RBFOX1: variants seen among roughly 807,000 people sequenced by gnomAD.
The protein encoded by RBFOX1 is RNA binding fox-1 homolog 1, also known as RNA binding protein fox-1 homolog 1.
A neutral mutation model predicts 57.7 loss-of-function variants in RBFOX1; 8 were observed. That is an observed-to-expected ratio of 0.14 (90% CI 0.08 to 0.25). The LOEUF is 0.25. Ranked by LOEUF, RBFOX1 falls within the 10% of genes least tolerant of loss-of-function variation. The pLI is 1.00. For synonymous variants in RBFOX1, 326 were observed against 222.4 expected (o/e 1.47, Z -4.15); for missense variants, 611 against 548.5 (o/e 1.11, Z -1.14).
At chr16:6,406,918 G>A (rs545689510) in intron 2 of RBFOX1, among the ~76,000 whole-genome samples, 3 of 152,122 alleles carry the variant, frequency 2.0e-5, no homozygotes, top group South Asian at 2.1e-4. Flanking sequence ...GTGTGACTAC[G>A]GAAAAAACAA....
chr16:7,394,808 C>T (rs1345908843), intron 4 of RBFOX1, among the ~76,000 whole-genome samples: 1 of 152,204 alleles, frequency 6.6e-6, no homozygotes, highest in East Asian at 1.9e-4. Context: ...ATCGCTGCTG[C>T]AGACTCATCC....
chr16:7,504,228 C>G (rs921334542), intron 4 of RBFOX1, among the ~76,000 whole-genome samples: 2 of 151,992 alleles, frequency 1.3e-5, no homozygotes, highest in Non-Finnish European at 2.9e-5. Flanking sequence ...CCCGTATCAT[C>G]GGGCTGTGGG....
intron 1 of RBFOX1, among the ~76,000 whole-genome samples, chr16:6,142,436 T>C (rs1243054160): frequency 6.6e-6 from 1 of 151,946 alleles, no homozygotes; most frequent in Admixed American, 6.6e-5. Flanking sequence ...TTAGCCAGGA[T>C]GGTCTCGATC....
intron 7 of RBFOX1, among the ~76,000 whole-genome samples, chr16:7,588,395 G>C (rs2094245192): frequency 6.6e-6 from 1 of 152,148 alleles, no homozygotes; most frequent in Admixed American, 6.5e-5. Flanking sequence ...CTGTGTTTTA[G>C]CTCCACTGAG....
chr16:6,904,015 C>G (rs1044655557), intron 3 of RBFOX1, among the ~76,000 whole-genome samples: 2 of 152,084 alleles, frequency 1.3e-5, no homozygotes, highest in African/African-American at 4.8e-5. Flanking sequence ...AAAACACAGC[C>G]TACAAATGCC....
chr16:7,698,021 C>A (rs757698577), intron 14 of RBFOX1, among the ~76,000 whole-genome samples: 1 of 151,992 alleles, frequency 6.6e-6, no homozygotes, highest in Non-Finnish European at 1.5e-5. Flanking sequence ...AAGCATGTTG[C>A]GTATTAGGGA....
chr16:6,810,838 G>A (rs1002194249), intron 3 of RBFOX1, among the ~76,000 whole-genome samples: 5 of 152,086 alleles, frequency 3.3e-5, no homozygotes, highest in African/African-American at 1.2e-4. Context: ...GCCGGGAAAG[G>A]TCGCCATGAT....
At chr16:6,526,506 A>G (rs770562211) in intron 2 of RBFOX1, among the ~76,000 whole-genome samples, 2 of 152,074 alleles carry the variant, frequency 1.3e-5, no homozygotes, top group Non-Finnish European at 2.9e-5. Flanking sequence ...TAGATGCTTT[A>G]TACACAATAT....
intron 3 of RBFOX1, among the ~76,000 whole-genome samples, chr16:5,687,414 C>G (rs2050538268): frequency 6.6e-6 from 1 of 152,130 alleles, no homozygotes; most frequent in Non-Finnish European, 1.5e-5. Flanking sequence ...TTAGCTTCCT[C>G]CTCTGTAAAA....
At position 5,956,208 on chromosome 16, in the gene RBFOX1, G is replaced by A. The variant is rs2059635415; in HGVS notation, c.351+88873G>A. 3.3e-5 allele frequency among the ~76,000 whole-genome samples: 5 copies of A among 152,126 alleles called. No homozygotes were observed. The South Asian group carries it at 1.0e-3, about 32-fold the overall frequency. On this transcript the variant is annotated intron_variant, in intron 4 of 19. Coordinates refer to the RBFOX1 transcript ENST00000641259. ...CGAGGATTGCTTGAACCCAGGAGGT[G>A]GAGTTTGCAATGAGCCGAGATTACT... is the stretch of plus-strand genomic sequence containing the variant.
At chr16:6,897,154 G>C (rs943640502) in intron 3 of RBFOX1, among the ~76,000 whole-genome samples, 5 of 152,178 alleles carry the variant, frequency 3.3e-5, no homozygotes. Context: ...TGCCCAAGCT[G>C]ACACAGCGGC....
Position 7,668,661 on chromosome 16 carries a change from AACAC to A in RBFOX1, c.930+3710_930+3713del, listed in dbSNP as rs34133804. The stretch of plus-strand genomic sequence containing the variant: ...TCCCTTCTACCTGAGAACAGAACAG[AACAC>A]ACACACACACACACACTTTTGTATA... On this transcript the variant is annotated intron_variant, in intron 13 of 15. Coordinates refer to ENST00000550418, the MANE Select transcript of RBFOX1 (RefSeq NM_018723.4). 7.3e-5 allele frequency among the ~76,000 whole-genome samples: 11 copies of A among 150,238 alleles called. No homozygotes were observed. In the East Asian group the frequency reaches 1.4e-3, roughly 19 times the overall value.
At chr16:7,124,870 TG>T (rs1485215553) in intron 4 of RBFOX1, among the ~76,000 whole-genome samples, 2 of 152,084 alleles carry the variant, frequency 1.3e-5, no homozygotes, top group African/African-American at 4.8e-5. Flanking sequence ...AGTGTATTCC[TG>T]ACAAATAAAT....
At chr16:7,164,575 T>C (rs1474900452) in intron 4 of RBFOX1, among the ~76,000 whole-genome samples, 5 of 152,202 alleles carry the variant, frequency 3.3e-5, no homozygotes, top group Admixed American at 6.5e-5. Context: ...AAAAGCCCCC[T>C]CTAAATCCTC....
chr16:7,605,577 G>A (rs2095252147), intron 9 of RBFOX1, among the ~76,000 whole-genome samples: 1 of 152,190 alleles, frequency 6.6e-6, no homozygotes, highest in African/African-American at 2.4e-5. Context: ...ATACTGGCCT[G>A]TCTGTTGAGT....
chr16:6,778,636 T>C (rs1603620458), intron 3 of RBFOX1, among the ~76,000 whole-genome samples: 1 of 152,012 alleles, frequency 6.6e-6, no homozygotes. Flanking sequence ...ATGGCTAGAG[T>C]TCCTTAGTCT....
intron 5 of RBFOX1, among the ~76,000 whole-genome samples, chr16:7,537,286 G>C (rs748364902): frequency 6.6e-6 from 1 of 152,318 alleles, no homozygotes; most frequent in South Asian, 2.1e-4. Flanking sequence ...TAATCTGCCA[G>C]AGCTCTCTGT....
chr16:5,360,656 C>G (rs2065521715), intron 1 of RBFOX1, among the ~76,000 whole-genome samples: 1 of 152,158 alleles, frequency 6.6e-6, no homozygotes, highest in Admixed American at 6.5e-5. Flanking sequence ...GCTGCTGTGA[C>G]TAATGTGAGG....
chr16:7,218,224 T>A (rs2092407869), intron 4 of RBFOX1, among the ~76,000 whole-genome samples: 1 of 152,200 alleles, frequency 6.6e-6, no homozygotes, highest in Non-Finnish European at 1.5e-5. Context: ...TTATTTTCCT[T>A]CATTAATTTG....
Sources: gnomAD v4.1 joint callset for allele counts (sites outside exome capture counted in the v4.1 genomes callset) on GRCh38, gnomAD v4.1.1 for gene constraint, MANE v1.5 for transcripts, NCBI Gene and HGNC (gene_info 2026-07-23, HGNC 2026-07-21) for gene names.